Variants in CDK14 observed in about 807,000 individuals in gnomAD.
CDK14 encodes the protein cyclin-dependent kinase 14.
Under a neutral mutation model 60.7 loss-of-function variants are expected in CDK14, and 34 were observed. The observed-to-expected ratio is 0.56, with a 90% CI of 0.43 to 0.75. CDK14 has a LOEUF of 0.75. CDK14 is among the 30% of genes least tolerant of loss of function. The probability of loss-of-function intolerance (pLI) is 0.00; values close to 1 mark genes in which losing one functional copy is unlikely to be tolerated. For missense variants in CDK14, 482 were observed against 564.1 expected (o/e 0.85, Z 1.47); for synonymous variants, 197 against 203.7 (o/e 0.97, Z 0.28).
chr7:91,136,411 A>G (rs999150602), intron 14 of CDK14, among the ~76,000 whole-genome samples: 8 of 152,214 alleles, frequency 5.3e-5, no homozygotes, highest in Admixed American at 4.6e-4. Flanking sequence ...CATAATCTCT[A>G]CAGTTTAGGA....
chr7:91,122,398 A>AT (rs1368829668), intron 14 of CDK14, among the ~76,000 whole-genome samples: 1 of 152,150 alleles, frequency 6.6e-6, no homozygotes, highest in Non-Finnish European at 1.5e-5. Flanking sequence ...TGAGATAAAG[A>AT]TTTTTTTAGA....
intron 8 of CDK14, among the ~76,000 whole-genome samples, chr7:90,926,495 T>C (rs565594596): frequency 2.0e-5 from 3 of 152,146 alleles, no homozygotes; most frequent in Non-Finnish European, 4.4e-5. Flanking sequence ...TGAACTGGCT[T>C]TAATAATGTT....
At chr7:91,126,738 CAGTGTTTCAGCTG>C (rs1562915932) in intron 14 of CDK14, among the ~76,000 whole-genome samples, 1 of 152,180 alleles carries the variant, frequency 6.6e-6, no homozygotes, top group Non-Finnish European at 1.5e-5. Context: ...ACCAGTTTTT[CAGTGTTTCAGCTG>C]CCTCAGAGAC....
chr7:90,662,439 A>T (rs1800882934), intron 2 of CDK14, among the ~76,000 whole-genome samples: 1 of 152,222 alleles, frequency 6.6e-6, no homozygotes, highest in Admixed American at 6.5e-5. Flanking sequence ...GGGACATTTA[A>T]ATGGGGACAT....
At chr7:91,003,050 G>T (rs551690600) in intron 10 of CDK14, among the ~76,000 whole-genome samples, 21 of 152,230 alleles carry the variant, frequency 1.4e-4, no homozygotes, top group Non-Finnish European at 2.6e-4. Flanking sequence ...CCAGCCTGGC[G>T]ACAGTGCAAG....
At chr7:91,133,976 G>C (rs1327141110) in intron 14 of CDK14, among the ~76,000 whole-genome samples, 3 of 152,148 alleles carry the variant, frequency 2.0e-5, no homozygotes, top group Non-Finnish European at 4.4e-5. Context: ...GCAGTATCCA[G>C]ATGATTAAGA....
chr7:90,773,544 T>C (rs549789828), intron 4 of CDK14, among the ~76,000 whole-genome samples: 2 of 152,208 alleles, frequency 1.3e-5, no homozygotes, highest in Non-Finnish European at 2.9e-5. Flanking sequence ...TTTCACTCTG[T>C]CACCTATTCT....
chr7:90,903,702 AAAAG>A (rs952587436), intron 7 of CDK14, among the ~76,000 whole-genome samples: 1 of 152,186 alleles, frequency 6.6e-6, no homozygotes, highest in Non-Finnish European at 1.5e-5. Context: ...CAAAATAACT[AAAAG>A]AAAAGATTTG....
chr7:90,640,598 G>T (rs1196619498), intron 2 of CDK14, among the ~76,000 whole-genome samples: 1 of 151,988 alleles, frequency 6.6e-6, no homozygotes, highest in Admixed American at 6.6e-5. Flanking sequence ...GTTTTATATG[G>T]ATTATGGTGG....
chr7:90,705,154 A>T (rs888767934), intron 2 of CDK14, among the ~76,000 whole-genome samples: 6 of 147,022 alleles, frequency 4.1e-5, no homozygotes, highest in Non-Finnish European at 9.1e-5. Context: ...TAAATTTATA[A>T]TTTTTTCCTT....
chr7:90,754,687 A>G (rs1047393766), intron 4 of CDK14, among the ~76,000 whole-genome samples: 2 of 152,082 alleles, frequency 1.3e-5, no homozygotes, highest in Admixed American at 1.3e-4. Flanking sequence ...AGTAAACAGA[A>G]TGGGAGAAAA....
chr7:91,122,977 T>A (rs1259286520), intron 14 of CDK14, among the ~76,000 whole-genome samples: 3 of 152,194 alleles, frequency 2.0e-5, no homozygotes, highest in African/African-American at 7.2e-5. Flanking sequence ...ACTGCTGGGC[T>A]TAGCCCTTCA....
intron 9 of CDK14, among the ~76,000 whole-genome samples, chr7:90,976,598 A>G (rs926692367): frequency 6.6e-6 from 1 of 151,912 alleles, no homozygotes; most frequent in Non-Finnish European, 1.5e-5. Flanking sequence ...CCCTAGCCTC[A>G]AGTGATTCTC....
intron 9 of CDK14, among the ~76,000 whole-genome samples, chr7:90,965,787 A>C (rs936447686): frequency 6.6e-6 from 1 of 152,336 alleles, no homozygotes; most frequent in African/African-American, 2.4e-5. Flanking sequence ...ATTAATGATA[A>C]TGTATAACTT....
chr7:90,638,078 G>A (rs11972159), intron 2 of CDK14, among the ~76,000 whole-genome samples: 1 of 151,402 alleles, frequency 6.6e-6, no homozygotes, highest in South Asian at 2.1e-4. Context: ...TCTGGACTCT[G>A]TATCCAATTT....
At chr7:90,620,510 G>A (rs562844196) in intron 2 of CDK14, among the ~76,000 whole-genome samples, 3 of 151,892 alleles carry the variant, frequency 2.0e-5, no homozygotes, top group South Asian at 4.1e-4. Context: ...GCTTGTCCCC[G>A]TATCCCTATT....
rs796093975 is a variant in CDK14, at chr7:90,598,704, A to ATTTTTTTTT, written c.91+1996_91+2004dup. On this transcript the variant is annotated intron_variant, in intron 1 of 14. Coordinates refer to ENST00000380050, the MANE Select transcript of CDK14 (RefSeq NM_001287135.2). ...GTGAACTCATTCTGATTATCTAAGG[A>ATTTTTTTTT]TTTTTTTTTTTTTTTTTTGAGACGG... 9.7e-3 allele frequency among the ~76,000 whole-genome samples: 855 copies of ATTTTTTTTT among 87,786 alleles called. 102 individuals are homozygous for ATTTTTTTTT. The highest frequency in any genetic ancestry group is 0.024 in the Middle Eastern group (3 of 126). The allele number at this position is 87,786 out of a possible 152,430, so 57.6% of individuals were successfully genotyped here.
intron 2 of CDK14, among the ~76,000 whole-genome samples, chr7:90,696,913 A>C (rs1801669455): frequency 6.6e-6 from 1 of 152,150 alleles, no homozygotes; most frequent in African/African-American, 2.4e-5. Context: ...AAAGTGAAGA[A>C]AGAGTTTCAG....
intron 2 of CDK14, among the ~76,000 whole-genome samples, chr7:90,702,170 C>T (rs769720104): frequency 2.6e-5 from 4 of 152,114 alleles, no homozygotes; most frequent in Admixed American, 1.3e-4. Context: ...CCAAACAATT[C>T]GGTTCTACTT....
Sources: allele counts gnomAD v4.1 joint callset (sites outside exome capture counted in the v4.1 genomes callset), GRCh38; gene constraint gnomAD v4.1.1; transcripts MANE v1.5; gene names NCBI Gene and HGNC (gene_info 2026-07-23, HGNC 2026-07-21).